Variants in SLC3A1 observed in about 807,000 individuals in gnomAD.
SLC3A1 encodes the protein amino acid transporter heavy chain SLC3A1.
In SLC3A1, 78 loss-of-function variants were observed where a neutral mutation model predicts 60.3. The ratio of observed to expected loss-of-function variants is 1.29; its 90% CI spans 1.08 to 1.56. The LOEUF is 1.56. Among genes scored for constraint, SLC3A1 ranks in the 40% most tolerant of loss-of-function variants. The pLI is 0.00. For missense variants in SLC3A1, 1,172 were observed against 858.9 expected, an observed-to-expected ratio of 1.36 and a Z score of -4.56; for synonymous variants, 392 against 307.9, an observed-to-expected ratio of 1.27 and a Z score of -2.86.
chr2:44,296,836 G>A (rs1181158921), intron 4 of SLC3A1, among the ~76,000 whole-genome samples: 1 of 152,130 alleles, frequency 6.6e-6, no homozygotes, highest in Admixed American at 6.5e-5. Flanking sequence ...TCATGGGTGT[G>A]GTTTCCTCCA....
chr2:44,280,214 T>G (rs1572789531), intron 1 of SLC3A1, among the ~76,000 whole-genome samples: 1 of 152,322 alleles, frequency 6.6e-6, no homozygotes, highest in East Asian at 1.9e-4. Flanking sequence ...TGTCATCGAT[T>G]ACTGATAGAT....
chr2:44,308,594 T>G (rs1672214544), intron 7 of SLC3A1, among the ~76,000 whole-genome samples: 1 of 152,218 alleles, frequency 6.6e-6, no homozygotes, highest in African/African-American at 2.4e-5. Flanking sequence ...TAAACTGAAG[T>G]GTTTGCTTAA....
At chr2:44,290,731 A>T (rs1359089325) in intron 4 of SLC3A1, among the ~76,000 whole-genome samples, 1 of 148,226 alleles carries the variant, frequency 6.7e-6, no homozygotes, top group Admixed American at 6.7e-5. Context: ...AATTTGTATG[A>T]ATTGTTTTGG....
intron 4 of SLC3A1, among the ~76,000 whole-genome samples, chr2:44,297,865 T>G (rs918448912): frequency 6.6e-6 from 1 of 152,138 alleles, no homozygotes; most frequent in Admixed American, 6.5e-5. Context: ...CCTAAATTGC[T>G]GAGATTACAG....
In SLC3A1 at chr2:44,320,358, T is replaced by C; in HGVS notation, c.1777T>C (p.Phe593Leu). 6.2e-7 allele frequency: 1 copy of C among 1,614,122 alleles called. No homozygotes were observed. The highest frequency in any genetic ancestry group is 1.1e-5 in the South Asian group (1 of 91,080). Residue 593 changes from phenylalanine (F) to leucine (L), a missense_variant, in exon 10 of 10, where the codon TTT (phenylalanine) becomes CTT (leucine). Phe to Leu is a conservative substitution (Grantham distance 22). Transcript: ENST00000260649. ...AGAGCTGGATGGCATCGACAGAATC[T>C]TTATCGTGGTTCTGAATTTTGGAGA... is the stretch of plus-strand genomic sequence containing the variant. Reference protein sequence around the residue: ...TRELDGIDRIFIVVLNFGEST... With the variant: ...TRELDGIDRILIVVLNFGEST...
rs553710376 is a variant in SLC3A1 at position 44,275,569 on chromosome 2, G to A, written c.34G>A (p.Glu12Lys). 3.3e-5 allele frequency: 54 copies of A among 1,614,152 alleles called. No individual in the cohort carries two copies. The South Asian group carries it at 3.7e-4, about 11-fold the overall frequency. Residue 12 changes from glutamate to lysine, a missense_variant, in exon 1 of 10, where the codon GAG becomes AAG. Physicochemically the swap from Glu to Lys is moderately conservative, Grantham distance 56 (BLOSUM62 1). Transcript: ENST00000260649. ...AGATAAAAGCAAGAGAGACTCCATC[G>A]AGATGAGTATGAAGGGATGCCAGAC... ...AEDKSKRDSIEMSMKGCQTNN... is the reference protein window; with the variant it reads ...AEDKSKRDSIKMSMKGCQTNN...
chr2:44,289,213 TTTTC>T (rs1342965705), intron 4 of SLC3A1, among the ~76,000 whole-genome samples: 1 of 150,930 alleles, frequency 6.6e-6, no homozygotes, highest in Non-Finnish European at 1.5e-5. Flanking sequence ...CTTTTTCTTT[TTTTC>T]TTTTTTTTTT....
intron 9 of SLC3A1, chr2:44,316,273 A>T (rs549345731): frequency 6.6e-6 from 1 of 152,298 alleles, no homozygotes; most frequent in African/African-American, 2.4e-5. Flanking sequence ...AGACTTAAAT[A>T]TAAGTATAAA....
At chr2:44,307,333 A>G (rs6745281) in intron 7 of SLC3A1, among the ~76,000 whole-genome samples, 26 of 152,116 alleles carry the variant, frequency 1.7e-4, no homozygotes, top group East Asian at 3.9e-4. Flanking sequence ...CATGTTTTCA[A>G]TTCTCTCTGA....
intron 4 of SLC3A1, among the ~76,000 whole-genome samples, chr2:44,297,130 G>A (rs1671871587): frequency 6.6e-6 from 1 of 152,298 alleles, no homozygotes; most frequent in East Asian, 1.9e-4. Context: ...TCCCTCCATA[G>A]GTGAAAATTG....
At chr2:44,310,001 C>A (rs997010971) in intron 7 of SLC3A1, among the ~76,000 whole-genome samples, 2 of 152,108 alleles carry the variant, frequency 1.3e-5, no homozygotes, top group Non-Finnish European at 2.9e-5. Flanking sequence ...AAGCAATCCT[C>A]CTGCATTAGC....
chr2:44,321,827 C>A (rs768538177), downstream of SLC3A1: 26 of 1,613,568 alleles, frequency 1.6e-5, no homozygotes, highest in Non-Finnish European at 2.2e-5. Context: ...GATAACATAC[C>A]TTTTTGTGAG....
rs1672859699 is a variant in SLC3A1, at chr2:44,320,677, T to A, written c.*38T>A. On this transcript the variant is annotated 3_prime_UTR_variant, in exon 10 of 10. Coordinates refer to ENST00000260649, the MANE Select transcript of SLC3A1 (RefSeq NM_000341.4). The stretch of plus-strand genomic sequence containing the variant: ...AGAGATGAAGACACTGGCATTTCAG[T>A]GGGATTGTAAGCATTTGTAATAGCT... The A allele has an allele frequency of 6.6e-7, 1 of 1,523,060 alleles. No homozygotes were observed. The highest frequency in any genetic ancestry group is 1.1e-5 in the South Asian group (1 of 88,976). 94.3% of individuals were successfully genotyped at this position (1,523,060 alleles called of 1,614,324 possible). A position where few individuals can be genotyped will look rare whatever the true frequency, so the allele number is the denominator to read the frequency against.
Position 44,321,062 on chromosome 2 carries a change from G to T in SLC3A1, c.*423G>T, listed in dbSNP as rs866721680. On this transcript the variant is annotated 3_prime_UTR_variant, in exon 10 of 10. Coordinates refer to ENST00000260649, the MANE Select transcript of SLC3A1 (RefSeq NM_000341.4). ...GTAAACTGCTCAACTGTTCTGACTG[G>T]AAGGGAGGCCTGGAGCTCTGCTATC... is the stretch of plus-strand genomic sequence containing the variant. The T allele has an allele frequency of 1.2e-4, 51 of 413,798 alleles. No homozygotes were observed. Among genetic ancestry groups the T allele is most frequent in the Admixed American group, 3.1e-4 (8 of 25,446 alleles). The allele number at this position is 413,798 out of a possible 1,614,324, so 25.6% of individuals were successfully genotyped here.
Position 44,321,420 on chromosome 2 carries a change from T to A in SLC3A1, c.*781T>A. On this transcript the variant is annotated 3_prime_UTR_variant, in exon 10 of 10. Transcript: ENST00000260649. Reference sequence around the variant, plus strand: ...GGTGCTGTCAAGTCCAAGTTCCTCGTACAGGAATTTAATTTGGGCTGTAAT... The same window carrying A: ...GGTGCTGTCAAGTCCAAGTTCCTCGAACAGGAATTTAATTTGGGCTGTAAT... 3 of 1,612,844 alleles carry A rather than the reference T, an allele frequency of 1.9e-6. No individual in the cohort carries two copies. Among genetic ancestry groups the A allele is most frequent in the South Asian group, 1.1e-5 (1 of 91,008 alleles).
intron 4 of SLC3A1, among the ~76,000 whole-genome samples, chr2:44,297,750 C>T (rs1477059164): frequency 3.3e-5 from 5 of 152,144 alleles, no homozygotes; most frequent in Admixed American, 6.5e-5. Flanking sequence ...CAGACATGTA[C>T]CACCACACGC....
At chr2:44,286,617 G>GC (rs1226017152) in intron 4 of SLC3A1, among the ~76,000 whole-genome samples, 1 of 143,716 alleles carries the variant, frequency 7.0e-6, no homozygotes, top group Non-Finnish European at 1.5e-5. Flanking sequence ...GGTGAGCTGT[G>GC]CGGTGTCTGT....
intron 7 of SLC3A1, among the ~76,000 whole-genome samples, chr2:44,310,423 T>A (rs111402979): frequency 1.3e-5 from 2 of 151,718 alleles, no homozygotes; most frequent in African/African-American, 4.9e-5. Context: ...AAATCTTGGT[T>A]TACAGTTCTT....
intron 9 of SLC3A1, chr2:44,318,786 C>A (rs1277067211): frequency 6.6e-6 from 1 of 151,932 alleles, no homozygotes; most frequent in Non-Finnish European, 1.5e-5. Context: ...TATTTAATAG[C>A]AGACAAAATA....
Sources: gnomAD v4.1 joint callset for allele counts (sites outside exome capture counted in the v4.1 genomes callset) on GRCh38, gnomAD v4.1.1 for gene constraint, MANE v1.5 for transcripts, NCBI Gene and HGNC (gene_info 2026-07-23, HGNC 2026-07-21) for gene names.